Variants in TP73 observed in about 807,000 individuals in gnomAD.
The protein encoded by TP73 is tumor protein p73.
Under a neutral mutation model 62.5 loss-of-function variants are expected in TP73, and 25 were observed. The ratio of observed to expected loss-of-function variants is 0.40; its 90% CI spans 0.29 to 0.56. The LOEUF is 0.56. Among genes scored for constraint, TP73 ranks in the 20% least tolerant of loss-of-function variants. TP73 has a pLI of 0.46. For missense variants in TP73, 754 were observed against 913.3 expected, an observed-to-expected ratio of 0.83 and a Z score of 2.25; for synonymous variants, 423 against 377.5, an observed-to-expected ratio of 1.12 and a Z score of -1.40.
Position 3,705,972 on chromosome 1 carries a change from G to A in TP73, c.187-1577G>A, listed in dbSNP as rs550084611. 2.6e-5 allele frequency among the ~76,000 whole-genome samples: 4 copies of A among 152,328 alleles called. No individual in the cohort carries two copies. In the South Asian group the frequency reaches 6.2e-4, roughly 24 times the overall value. The stretch of plus-strand genomic sequence containing the variant: ...GGAAGGGGCTGAGCCTGGGAGTCCC[G>A]GCGAGGCCCCTGCACCCTCCTGTGC... On this transcript the variant is annotated intron_variant, in intron 3 of 13. Coordinates refer to ENST00000378295, the MANE Select transcript of TP73 (RefSeq NM_005427.4).
intron 1 of TP73, among the ~76,000 whole-genome samples, chr1:3,680,033 C>T (rs980239932): frequency 6.6e-6 from 1 of 152,000 alleles, no homozygotes; most frequent in African/African-American, 2.4e-5. Flanking sequence ...CTCTCTGTCT[C>T]TCTCTTCCTG....
intron 11 of TP73, among the ~76,000 whole-genome samples, chr1:3,730,368 GA>G (rs1392226289): frequency 5.9e-5 from 9 of 152,356 alleles, no homozygotes; most frequent in South Asian, 2.1e-4. Flanking sequence ...TAAGAGCGTG[GA>G]ACCCACATGC....
At chr1:3,709,116 C>T (rs1639920659) in intron 4 of TP73, among the ~76,000 whole-genome samples, 1 of 152,188 alleles carries the variant, frequency 6.6e-6, no homozygotes, top group Non-Finnish European at 1.5e-5. Flanking sequence ...GACAGTCCTG[C>T]CGGGCTGGTC....
Position 3,734,824 on chromosome 1 carries a change from G to T in TP73, c.*1745G>T, listed in dbSNP as rs1447867636. 1.3e-5 allele frequency: 2 copies of T among 152,366 alleles called. No individual in the cohort carries two copies. The highest frequency in any genetic ancestry group is 2.9e-5 in the Non-Finnish European group (2 of 68,192). 9.4% of individuals were successfully genotyped at this position (152,366 alleles called of 1,614,324 possible). ...GTCGCCTGGGTGCACGCTTGTGGGG[G>T]CAGCAGGAACGGGGCTGTCGGCTCT... On this transcript the variant is annotated 3_prime_UTR_variant, in exon 14 of 14. Coordinates refer to ENST00000378295, the MANE Select transcript of TP73 (RefSeq NM_005427.4). This position sits in a 1 kb window ranked among gnomAD's most constrained non-coding sequence, Gnocchi z 4.4.
intron 1 of TP73, among the ~76,000 whole-genome samples, chr1:3,654,361 C>G (rs1332944021): frequency 2.0e-5 from 3 of 152,092 alleles, no homozygotes; most frequent in Non-Finnish European, 4.4e-5. Flanking sequence ...GTGAAAGCTA[C>G]AGCGAACAGT....
At chr1:3,731,380 C>G in intron 12 of TP73, 83 bp from the exon 13 acceptor site, 1 of 1,399,582 alleles carries the variant, frequency 7.1e-7, no homozygotes, top group South Asian at 1.2e-5. Flanking sequence ...TCCGCCCCAG[C>G]CAGGCCACTC....
intron 3 of TP73, among the ~76,000 whole-genome samples, chr1:3,705,772 C>CA (rs1639575567): frequency 1.3e-5 from 2 of 152,244 alleles, no homozygotes; most frequent in African/African-American, 4.8e-5. Flanking sequence ...GTAGAGGACT[C>CA]AGAGAGGACG....
At position 3,719,811 on chromosome 1, in the gene TP73, C is replaced by T. The variant is rs1001668566; in HGVS notation, c.430-2210C>T. 2.6e-5 allele frequency among the ~76,000 whole-genome samples: 4 copies of T among 152,308 alleles called. 1 individual carries two copies. The highest frequency in any genetic ancestry group is 2.6e-4 in the Admixed American group (4 of 15,308). On this transcript the variant is annotated intron_variant, in intron 4 of 13. Coordinates refer to ENST00000378295, the MANE Select transcript of TP73 (RefSeq NM_005427.4). ...TCCCGCTGTGCCCAAGCCTGCAGCT[C>T]CGACAGTCCAGGGCAGGCGCCCGCA...
At chr1:3,667,422 C>T (rs891739130) in intron 1 of TP73, among the ~76,000 whole-genome samples, 3 of 152,184 alleles carry the variant, frequency 2.0e-5, no homozygotes, top group Non-Finnish European at 4.4e-5. Flanking sequence ...TGCGCACATC[C>T]GCATGGTCCC....
rs753933049 is a variant in TP73, at chr1:3,729,441, C to A, written c.1189C>A (p.Gln397Lys). The A allele has an allele frequency of 6.2e-7, 1 of 1,612,768 alleles. No individual in the cohort carries two copies. The highest frequency in any genetic ancestry group is 2.2e-5 in the East Asian group (1 of 44,886). Residue 397 changes from glutamine (Q) to lysine (K), a missense_variant, in exon 10 of 14, where the codon CAG becomes AAG. Gln to Lys is a moderately conservative substitution (Grantham distance 53). Transcript: ENST00000378295. Reference protein sequence around the residue: ...DSYRQQQQLLQRPSHLQPPSY... With the variant: ...DSYRQQQQLLKRPSHLQPPSY... ...CTATCGGCAGCAGCAGCAGCTCCTACAGAGGCCGTGAGTCAGCCCTAGCCC... is the reference window on the plus strand; with the variant it reads ...CTATCGGCAGCAGCAGCAGCTCCTAAAGAGGCCGTGAGTCAGCCCTAGCCC...
intron 1 of TP73, among the ~76,000 whole-genome samples, chr1:3,659,734 T>C (rs1025573305): frequency 6.6e-6 from 1 of 152,100 alleles, no homozygotes; most frequent in African/African-American, 2.4e-5. Context: ...AAGGCTAGAG[T>C]GTAGTGGCAT....
Position 3,666,056 on chromosome 1 carries a change from G to A in TP73, c.-34+13415G>A, listed in dbSNP as rs1439720239. Among the ~76,000 whole-genome samples, 2 of 149,948 alleles carry A rather than the reference G, an allele frequency of 1.3e-5. No individual in the cohort carries two copies. The highest frequency in any genetic ancestry group is 3.0e-5 in the Non-Finnish European group (2 of 67,584). ...AGAATCGCTTTTGAAGCCAGGAGGC[G>A]GAGTTTGTGGTGAGCTGAGATCGCA... On this transcript the variant is annotated intron_variant, in intron 1 of 13. Coordinates refer to ENST00000378295, the MANE Select transcript of TP73 (RefSeq NM_005427.4). This position sits in a 1 kb window ranked among gnomAD's most constrained non-coding sequence, Gnocchi z 6.4.
In TP73 at chr1:3,666,584, C is replaced by T. The variant is rs2102030218; in HGVS notation, c.-34+13943C>T. ...GCGTGGGCGGGGGGCTTTTAATGGT[C>T]CCTCTGCTGGCTCCCTCCCCACCAC... On this transcript the variant is annotated intron_variant, in intron 1 of 13. Transcript: ENST00000378295. The surrounding 1 kb of genome is among the most constrained non-coding windows in gnomAD (Gnocchi z 6.4). 6.6e-6 allele frequency among the ~76,000 whole-genome samples: 1 copy of T among 152,192 alleles called. No homozygotes were observed. The highest frequency in any genetic ancestry group is 3.4e-3 in the Middle Eastern group (1 of 294).
intron 6 of TP73, among the ~76,000 whole-genome samples, chr1:3,724,311 G>C (rs1641332793): frequency 6.6e-6 from 1 of 152,044 alleles, no homozygotes; most frequent in South Asian, 2.1e-4. Flanking sequence ...CCCTGTACCT[G>C]GTTCTGAGAC....
At chr1:3,725,952 G>T (rs1375336490) in intron 6 of TP73, among the ~76,000 whole-genome samples, 2 of 134,414 alleles carry the variant, frequency 1.5e-5, no homozygotes, top group African/African-American at 5.7e-5. Context: ...ATAATGGGGG[G>T]AGTGGATGGA....
rs1274896315 is a variant in TP73, at chr1:3,665,809, C to G, written c.-34+13168C>G. Among the ~76,000 whole-genome samples the G allele has an allele frequency of 2.8e-5, 4 of 142,428 alleles. No homozygotes were observed. In the South Asian group the frequency reaches 9.2e-4, roughly 33 times the overall value. 93.4% of individuals were successfully genotyped at this position (142,428 alleles called of 152,430 possible). On this transcript the variant is annotated intron_variant, in intron 1 of 13. Coordinates refer to ENST00000378295, the MANE Select transcript of TP73 (RefSeq NM_005427.4). Reference sequence around the variant, plus strand: ...GGCTGGGATTACAGGCATGAACCACCGTGCCCGGCCTTTTTTTTTTTTTTT... The same window carrying G: ...GGCTGGGATTACAGGCATGAACCACGGTGCCCGGCCTTTTTTTTTTTTTTT...
intron 1 of TP73, among the ~76,000 whole-genome samples, chr1:3,669,719 C>T (rs732902): frequency 0.099 from 15,148 of 152,266 alleles, 909 homozygotes; most frequent in African/African-American, 0.16. Flanking sequence ...ATGACGTGGA[C>T]GGCAGGAAGG....
chr1:3,727,247 G>A (rs1329885987), intron 7 of TP73, 23 bp downstream of exon 7: 2 of 1,605,592 alleles, frequency 1.2e-6, no homozygotes, highest in Non-Finnish European at 1.7e-6. Context: ...CACACGGGGT[G>A]GAGGTGGGAC....
chr1:3,697,088 G>GCCT (rs1296429915), intron 3 of TP73, among the ~76,000 whole-genome samples: 1 of 151,514 alleles, frequency 6.6e-6, no homozygotes, highest in East Asian at 1.9e-4. Flanking sequence ...GAGCCCTGGA[G>GCCT]GCACTCTCCA....
Sources: gnomAD v4.1 joint callset for allele counts (sites outside exome capture counted in the v4.1 genomes callset) on GRCh38, gnomAD v4.1.1 for gene constraint, Gnocchi (gnomAD v3.1) non-coding constraint, MANE v1.5 for transcripts, NCBI Gene and HGNC (gene_info 2026-07-23, HGNC 2026-07-21) for gene names.